Variants in ZNFX1 observed in about 807,000 individuals in gnomAD.
The protein encoded by ZNFX1 is zinc finger NFX1-type containing 1.
In ZNFX1, 78 loss-of-function variants were observed where a neutral mutation model predicts 179.8. That is an observed-to-expected ratio of 0.43 (90% CI 0.36 to 0.52). The LOEUF is 0.52. ZNFX1 is among the 20% of genes least tolerant of loss of function. The pLI is 0.00. For missense variants in ZNFX1, 1,927 were observed against 2,386.6 expected, an observed-to-expected ratio of 0.81 and a Z score of 4.01; for synonymous variants, 848 against 868.5, an observed-to-expected ratio of 0.98 and a Z score of 0.42.
Position 49,253,627 on chromosome 20 carries a change from G to A in ZNFX1, c.3105+39C>T, listed in dbSNP as rs370069616. ...TCTTCCTTTATGATCTCACCCCCAC[G>A]GAGAGCCAGCCCATCTTCTAGGGGG... On this transcript the variant is annotated intron_variant, in intron 11 of 13. Transcript: ENST00000396105. 4.5e-5 allele frequency: 73 copies of A among 1,612,226 alleles called. No homozygotes were observed. In the Middle Eastern group the frequency reaches 5.7e-4, roughly 13 times the overall value.
chr20:49,270,723 G>C lies in ZNFX1; in HGVS notation c.1089C>G (p.Asp363Glu). 6.2e-7 allele frequency: 1 copy of C among 1,614,204 alleles called. No homozygotes were observed. Among genetic ancestry groups the C allele is most frequent in the Non-Finnish European group, 8.5e-7 (1 of 1,180,036 alleles). The change falls in exon 3 of 14, where the codon GAC (aspartate) becomes GAG (glutamate). Residue 363 changes from aspartate to glutamate, a missense_variant. By Grantham distance (45) the Asp-to-Glu change is conservative. Coordinates refer to ENST00000396105, the MANE Select transcript of ZNFX1 (RefSeq NM_021035.3). The surrounding 1 kb of genome is among the most constrained non-coding windows in gnomAD (Gnocchi z 4.6). ...GGGTATCCAGATAGATAGCAGTGCT[G>C]TCGTATTTTCCAGAAATGATATTGG... Reference protein sequence around the residue: ...LRPNIISGKYDSTAIYLDTHF... With the variant: ...LRPNIISGKYESTAIYLDTHF...
At position 49,249,476 on chromosome 20, in the gene ZNFX1, A is replaced by G. The variant is rs1980781717; in HGVS notation, c.3548T>C (p.Val1183Ala). Residue 1183 changes from valine to alanine, a missense_variant, in exon 14 of 14, where the codon GTT becomes GCT. Physicochemically the swap from Val to Ala is moderately conservative, Grantham distance 64. Coordinates refer to ENST00000396105, the MANE Select transcript of ZNFX1 (RefSeq NM_021035.3). ...CTCTTCCCCTTGGTATTTGTCCACA[A>G]CATGGACCCTGACGCCAGCAAATGT... The part of the protein sequence containing the change: ...AKTFAGVRVH[V>A]VDKYQGEEND... 2 of 1,614,234 alleles carry G rather than the reference A, an allele frequency of 1.2e-6. No individual in the cohort carries two copies. Among genetic ancestry groups the G allele is most frequent in the Non-Finnish European group, 1.7e-6 (2 of 1,180,040 alleles).
At chr20:49,262,947 T>C (rs772371446) in intron 6 of ZNFX1, among the ~76,000 whole-genome samples, 3 of 152,236 alleles carry the variant, frequency 2.0e-5, no homozygotes, top group Non-Finnish European at 4.4e-5. Context: ...AGTTTACAAA[T>C]ATCACCTTGC....
chr20:49,261,708 C>T (rs186898536), intron 6 of ZNFX1, among the ~76,000 whole-genome samples: 2,080 of 150,920 alleles, frequency 0.014, 57 homozygotes, highest in African/African-American at 0.048. Context: ...TGCAGTGGCA[C>T]GATCTCGGCT....
At chr20:49,264,633 C>A in intron 5 of ZNFX1, 83 bp downstream of exon 5, 3 of 1,547,970 alleles carry the variant, frequency 1.9e-6, no homozygotes, top group South Asian at 1.2e-5. Context: ...CAAATCTACC[C>A]TGGGCTGCCT....
At chr20:49,261,476 C>T (rs191721609) in intron 6 of ZNFX1, among the ~76,000 whole-genome samples, 28 of 152,208 alleles carry the variant, frequency 1.8e-4, no homozygotes, top group African/African-American at 6.7e-4. Context: ...CCAAATACTG[C>T]ATGTTCTCAC....
rs935390429 is a variant in ZNFX1, at chr20:49,254,667, C to A, written c.2805-18G>T. On this transcript the variant is annotated intron_variant, in intron 9 of 13. Transcript: ENST00000396105. Reference sequence around the variant, plus strand: ...GCCAGAGCCTGGAGAATGGGAAGAACCAAGGAAAGAAAGCCACATGCTCTT... The same window carrying A: ...GCCAGAGCCTGGAGAATGGGAAGAAACAAGGAAAGAAAGCCACATGCTCTT... 1 of 1,609,986 alleles carries A rather than the reference C, an allele frequency of 6.2e-7. No homozygotes were observed. The highest frequency in any genetic ancestry group is 8.5e-7 in the Non-Finnish European group (1 of 1,177,498).
In ZNFX1 at chr20:49,255,954, A is replaced by G. The variant is rs1378451792; in HGVS notation, c.2665-7T>C. The G allele has an allele frequency of 1.9e-6, 3 of 1,613,568 alleles. No individual in the cohort carries two copies. Among genetic ancestry groups the G allele is most frequent in the Non-Finnish European group, 2.5e-6 (3 of 1,179,834 alleles). Reference sequence around the variant, plus strand: ...TTTTCTGGTTGCGCTGGGTCTGCAGACATCAATACCAGGCAGGGTACTGTC... The same window carrying G: ...TTTTCTGGTTGCGCTGGGTCTGCAGGCATCAATACCAGGCAGGGTACTGTC... On this transcript the variant is annotated splice_region_variant and splice_polypyrimidine_tract_variant and intron_variant, in intron 8 of 13. Coordinates refer to ENST00000396105, the MANE Select transcript of ZNFX1 (RefSeq NM_021035.3).
chr20:49,275,657 A>G, intron 2 of ZNFX1, 122 bp downstream of exon 2: 1 of 950,714 alleles, frequency 1.1e-6, no homozygotes, highest in Non-Finnish European at 1.6e-6. Context: ...GCATCCAGCC[A>G]TAGTCATTCT....
At chr20:49,273,100 T>C (rs1981462702) in intron 2 of ZNFX1, among the ~76,000 whole-genome samples, 1 of 152,186 alleles carries the variant, frequency 6.6e-6, no homozygotes, top group African/African-American at 2.4e-5. Context: ...ATGCACACTC[T>C]TCCTTGTTTT....
rs1286006551 is a variant in ZNFX1 at position 49,249,591 on chromosome 20, G to C, written c.3433C>G (p.Leu1145Val). 6.2e-7 allele frequency: 1 copy of C among 1,614,252 alleles called. No homozygotes were observed. Among genetic ancestry groups the C allele is most frequent in the Admixed American group, 1.7e-5 (1 of 60,034 alleles). Reference protein sequence around the residue: ...HFVVELCKYFLCQEYLPSQIT... With the variant: ...HFVVELCKYFVCQEYLPSQIT... ...TGGGAAGGCAGGTATTCCTGGCACA[G>C]GAAGTACTTGCACAGCTCTACCACA... Residue 1145 changes from leucine (L) to valine (V), a missense_variant, in exon 14 of 14, where the codon CTG becomes GTG. Physicochemically the swap from Leu to Val is conservative, Grantham distance 32. Coordinates refer to ENST00000396105, the MANE Select transcript of ZNFX1 (RefSeq NM_021035.3).
At position 49,249,553 on chromosome 20, in the gene ZNFX1, G is replaced by A. The variant is rs1441680765; in HGVS notation, c.3471C>T (p.Leu1157=). 9.9e-6 allele frequency: 16 copies of A among 1,614,138 alleles called. No homozygotes were observed. Among genetic ancestry groups the A allele is most frequent in the Non-Finnish European group, 1.3e-5 (15 of 1,180,052 alleles). Residue 1157 remains leucine, a synonymous_variant, in exon 14 of 14, where the codon CTC becomes CTT. Transcript: ENST00000396105. Reference sequence around the variant, plus strand: ...AGAAGAGCTGCCCGGTATAGGTAGTGAGGATGGTGATCTGGGAAGGCAGGT... The same window carrying A: ...AGAAGAGCTGCCCGGTATAGGTAGTAAGGATGGTGATCTGGGAAGGCAGGT... The part of the protein sequence containing the change: ...QEYLPSQITI[L]TTYTGQLFCL...
rs933311468 is a variant in ZNFX1, at chr20:49,246,039, G to A, written c.*1228C>T. The A allele has an allele frequency of 6.6e-6, 1 of 152,582 alleles. No homozygotes were observed. Among genetic ancestry groups the A allele is most frequent in the Non-Finnish European group, 1.5e-5 (1 of 68,050 alleles). 9.5% of individuals were successfully genotyped at this position (152,582 alleles called of 1,614,324 possible). A position where few individuals can be genotyped will look rare whatever the true frequency, so the allele number is the denominator to read the frequency against. ...TGTCTGTTCTAAGGAACACTGGAAG[G>A]AGGGAATGCAGATGCAGGCAGCAGG... On this transcript the variant is annotated 3_prime_UTR_variant, in exon 14 of 14. Transcript: ENST00000396105.
chr20:49,252,812 C>T lies in ZNFX1; in HGVS notation c.3124G>A (p.Val1042Met), dbSNP rs1600986078. Residue 1042 changes from valine (V) to methionine (M), a missense_variant, in exon 12 of 14, where the codon GTG (valine) becomes ATG (methionine). Transcript: ENST00000396105. ...DHQQLRPSAN[V>M]YDLAKNFNLE... ...TTGAAGTTCTTGGCCAGATCATACA[C>T]GTTGGCACTGGGGCGCAGCTGAGAA... 4 of 1,614,064 alleles carry T rather than the reference C, an allele frequency of 2.5e-6. No individual in the cohort carries two copies. Among genetic ancestry groups the T allele is most frequent in the South Asian group, 1.1e-5 (1 of 91,084 alleles).
At chr20:49,257,029 G>A (rs754574572) in intron 8 of ZNFX1, among the ~76,000 whole-genome samples, 25 of 152,096 alleles carry the variant, frequency 1.6e-4, no homozygotes, top group Non-Finnish European at 2.9e-4. Context: ...TGGAGGTCTC[G>A]CTTCATTGCT....
chr20:49,248,562 G>A lies in ZNFX1; in HGVS notation c.4462C>T (p.Arg1488Trp), dbSNP rs779767093. 1.5e-5 allele frequency: 24 copies of A among 1,614,040 alleles called. No individual in the cohort carries two copies. Among genetic ancestry groups the A allele is most frequent in the Non-Finnish European group, 1.9e-5 (22 of 1,180,038 alleles). The change falls in exon 14 of 14, where the codon CGG becomes TGG. Residue 1488 changes from arginine (R) to tryptophan (W), a missense_variant. By Grantham distance (101) the Arg-to-Trp change is moderately radical. Transcript: ENST00000396105. This position sits in a 1 kb window ranked among gnomAD's most constrained non-coding sequence, Gnocchi z 4.6. Reference sequence around the variant, plus strand: ...TGGACACAGCGGTTCTGACAGGTCCGCTGGCAGGGTGGGCACTCACCAATG... The same window carrying A: ...TGGACACAGCGGTTCTGACAGGTCCACTGGCAGGGTGGGCACTCACCAATG... Reference protein sequence around the residue: ...PCIGECPPCQRTCQNRCVHSQ... With the variant: ...PCIGECPPCQWTCQNRCVHSQ...
At chr20:49,252,621 ATTATTT>A (rs1980868793) in intron 12 of ZNFX1, 93 bp downstream of exon 12, 1 of 751,782 alleles carries the variant, frequency 1.3e-6, no homozygotes, top group Non-Finnish European at 2.3e-6. Context: ...TCAGTATTAA[ATTATTT>A]TTATTTATAT....
Position 49,247,426 on chromosome 20 carries a change from C to T in ZNFX1, c.5598G>A (p.Arg1866=), listed in dbSNP as rs1439681647. 1 of 1,614,056 alleles carries T rather than the reference C, an allele frequency of 6.2e-7. No homozygotes were observed. Among genetic ancestry groups the T allele is most frequent in the Non-Finnish European group, 8.5e-7 (1 of 1,180,048 alleles). The change falls in exon 14 of 14, where the codon AGG becomes AGA. Residue 1866 remains arginine (R), a synonymous_variant. Transcript: ENST00000396105. ...VIGDCGGAME[R]GTCPDCKEVI... is the part of the protein sequence containing the mutation. Reference sequence around the variant, plus strand: ...CTTCCTTACAGTCAGGACACGTGCCCCTCTCCATGGCTCCCCCACAATCGC... The same window carrying T: ...CTTCCTTACAGTCAGGACACGTGCCTCTCTCCATGGCTCCCCCACAATCGC...
intron 3 of ZNFX1, among the ~76,000 whole-genome samples, chr20:49,267,016 C>A (rs1020047169): frequency 1.3e-5 from 2 of 152,182 alleles, no homozygotes; most frequent in African/African-American, 2.4e-5. Flanking sequence ...CCTGCCTCAG[C>A]CTCCCAAGTA....
Sources: allele counts gnomAD v4.1 joint callset (sites outside exome capture counted in the v4.1 genomes callset), GRCh38; gene constraint gnomAD v4.1.1; non-coding constraint Gnocchi (gnomAD v3.1); transcripts MANE v1.5; gene names NCBI Gene and HGNC (gene_info 2026-07-23, HGNC 2026-07-21).